EIF4E2: variants seen among roughly 807,000 people sequenced by gnomAD.
EIF4E2 encodes the protein eukaryotic translation initiation factor 4E family member 2.
EIF4E2 carries 13 observed loss-of-function variants against 34.2 expected under a neutral mutation model. The observed-to-expected ratio is 0.38, with a 90% CI of 0.25 to 0.60. The LOEUF (loss-of-function observed/expected upper bound fraction) is 0.60, where lower values mean the gene tolerates loss of function less well. Among genes scored for constraint, EIF4E2 ranks in the 20% least tolerant of loss-of-function variants. The pLI, the probability that EIF4E2 is intolerant of heterozygous loss-of-function variation, is 0.62. For synonymous variants in EIF4E2, 100 were observed against 106.6 expected (o/e 0.94, Z 0.38); for missense variants, 222 against 315.1 (o/e 0.70, Z 2.24).
chr2:232,556,647 C>G, intron 2 of EIF4E2, 117 bp downstream of exon 2: 1 of 741,116 alleles, frequency 1.3e-6, no homozygotes, highest in South Asian at 1.7e-5. Context: ...GTTGGAATAT[C>G]TGACTTTGTT....
intron 6 of EIF4E2, among the ~76,000 whole-genome samples, chr2:232,578,864 C>G (rs1246207578): frequency 1.3e-5 from 2 of 152,130 alleles, no homozygotes; most frequent in Admixed American, 1.3e-4. Flanking sequence ...TTGCCCAAGT[C>G]AGCAAATTCT....
chr2:232,555,183 T>A (rs1692479612), intron 1 of EIF4E2, among the ~76,000 whole-genome samples: 1 of 152,198 alleles, frequency 6.6e-6, no homozygotes, highest in South Asian at 2.1e-4. Flanking sequence ...CCCTGCAACA[T>A]GTTTATGTGT....
intron 1 of EIF4E2, among the ~76,000 whole-genome samples, chr2:232,551,970 G>A (rs964341117): frequency 2.0e-5 from 3 of 151,988 alleles, no homozygotes; most frequent in Non-Finnish European, 2.9e-5. Flanking sequence ...CCTCTCCCCC[G>A]CTGCCGCCCC....
At chr2:232,553,582 C>A (rs184321098) in intron 1 of EIF4E2, among the ~76,000 whole-genome samples, 11 of 152,318 alleles carry the variant, frequency 7.2e-5, no homozygotes, top group Admixed American at 7.2e-4. Flanking sequence ...CTCAGAGTTG[C>A]TAACTGCCTG....
At position 232,552,346 on chromosome 2, in the gene EIF4E2, G is replaced by A. The variant is rs568902712; in HGVS notation, c.20+1602G>A. 5.9e-5 allele frequency among the ~76,000 whole-genome samples: 9 copies of A among 152,214 alleles called. No individual in the cohort carries two copies. The East Asian group carries it at 1.7e-3, about 29-fold the overall frequency. ...CCCATCTCAGCCTCCAGAGTAGCCG[G>A]ACTACAGGCATGTGCCACCCTACCT... is the stretch of plus-strand genomic sequence containing the variant. On this transcript the variant is annotated intron_variant, in intron 1 of 6. Transcript: ENST00000258416.
chr2:232,563,919 T>G (rs1692818522), intron 3 of EIF4E2, among the ~76,000 whole-genome samples: 1 of 152,206 alleles, frequency 6.6e-6, no homozygotes, highest in Admixed American at 6.5e-5. Flanking sequence ...TTACTGCATG[T>G]GATGACTACC....
intron 6 of EIF4E2, among the ~76,000 whole-genome samples, chr2:232,577,893 C>CA (rs1421709931): frequency 1.3e-5 from 2 of 152,202 alleles, no homozygotes; most frequent in African/African-American, 4.8e-5. Context: ...TTTAAAAGAA[C>CA]AGAAGCACAT....
At chr2:232,558,108 T>G (rs1018630716) in intron 3 of EIF4E2, 90 bp downstream of exon 3, 76 of 1,512,810 alleles carry the variant, frequency 5.0e-5, no homozygotes, top group Non-Finnish European at 6.6e-5. Context: ...TAGTAACCTA[T>G]TTAAGATTCT....
chr2:232,560,181 G>A (rs1729245), intron 3 of EIF4E2, among the ~76,000 whole-genome samples: 118,982 of 152,024 alleles, frequency 0.78, 47,333 homozygotes, highest in Middle Eastern at 0.91. Context: ...CTTGCCCTAC[G>A]CATCTCTTCA....
At chr2:232,555,152 C>A (rs551826190) in intron 1 of EIF4E2, among the ~76,000 whole-genome samples, 1 of 152,272 alleles carries the variant, frequency 6.6e-6, no homozygotes, top group South Asian at 2.1e-4. Context: ...GCAAAAAAAA[C>A]CAGACCACAA....
intron 3 of EIF4E2, among the ~76,000 whole-genome samples, chr2:232,563,394 C>CT (rs964796921): frequency 1.0e-4 from 14 of 138,100 alleles, no homozygotes; most frequent in African/African-American, 1.4e-4. Context: ...TTTTTTTTTT[C>CT]TTTTTTTTTA....
chr2:232,551,251 G>A (rs1250195065), intron 1 of EIF4E2: 1 of 473,544 alleles, frequency 2.1e-6, no homozygotes, highest in Non-Finnish European at 4.4e-6. Flanking sequence ...CGCGGTGGAA[G>A]GCTGGCTTAG....
chr2:232,555,282 T>A (rs910283759), intron 1 of EIF4E2, among the ~76,000 whole-genome samples: 1 of 152,196 alleles, frequency 6.6e-6, no homozygotes, highest in Non-Finnish European at 1.5e-5. Flanking sequence ...CACATATAGT[T>A]ATTGGGGCGA....
At chr2:232,570,498 G>A (rs1383844808), downstream of EIF4E2, among the ~76,000 whole-genome samples, 1 of 152,214 alleles carries the variant, frequency 6.6e-6, no homozygotes, top group Non-Finnish European at 1.5e-5. Flanking sequence ...CAGAGTAAGA[G>A]TTGATTAGAA....
chr2:232,565,783 G>A (rs1692901765), intron 4 of EIF4E2, among the ~76,000 whole-genome samples: 1 of 151,948 alleles, frequency 6.6e-6, no homozygotes, highest in Admixed American at 6.6e-5. Flanking sequence ...TCTTCTACTG[G>A]ACTGGATCTG....
intron 6 of EIF4E2, chr2:232,574,425 C>G: frequency 2.2e-6 from 3 of 1,388,284 alleles, no homozygotes; most frequent in Non-Finnish European, 3.0e-6. Flanking sequence ...CCCAAACTTG[C>G]CTCTACCAAC....
intron 1 of EIF4E2, among the ~76,000 whole-genome samples, chr2:232,551,513 T>C (rs2106230478): frequency 6.6e-6 from 1 of 152,312 alleles, no homozygotes; most frequent in African/African-American, 2.4e-5. Flanking sequence ...AAATCGACTG[T>C]CTCTTCATCC....
chr2:232,559,243 A>G (rs1024880693), intron 3 of EIF4E2, among the ~76,000 whole-genome samples: 45 of 134,906 alleles, frequency 3.3e-4, no homozygotes, highest in Non-Finnish European at 6.5e-4. Flanking sequence ...AGAATGATTC[A>G]GTGTAGTTGT....
rs899897587 is a variant in EIF4E2 at position 232,574,293 on chromosome 2, C to G, written c.666-6611C>G. The G allele has an allele frequency of 5.2e-6, 8 of 1,550,422 alleles. No individual in the cohort carries two copies. In the African/African-American group the frequency reaches 1.1e-4, roughly 21 times the overall value. ...GGGAGGAGTTTCATGGCCTGGTGAA[C>G]AGCAGCGGCCGCTGATCGGACGCTC... On this transcript the variant is annotated intron_variant, in intron 6 of 6. Transcript: ENST00000409098.
Sources: gnomAD v4.1 joint callset for allele counts (sites outside exome capture counted in the v4.1 genomes callset) on GRCh38, gnomAD v4.1.1 for gene constraint, MANE v1.5 for transcripts, NCBI Gene and HGNC (gene_info 2026-07-23, HGNC 2026-07-21) for gene names.